The following ADCY10 variants were observed in gnomAD, a reference collection of about 807,000 sequenced individuals.
ADCY10 encodes the protein adenylate cyclase 10, also known as adenylate cyclase type 10.
ADCY10 carries 156 observed loss-of-function variants against 183.3 expected under a neutral mutation model. The observed-to-expected ratio is 0.85, with a 90% CI of 0.75 to 0.97. The LOEUF (loss-of-function observed/expected upper bound fraction) is 0.97, where lower values mean the gene tolerates loss of function less well. Ranked by LOEUF, ADCY10 falls within the 50% of genes least tolerant of loss-of-function variation. The pLI is 0.00. For synonymous variants in ADCY10, 645 were observed against 670.0 expected, an observed-to-expected ratio of 0.96 and a Z score of 0.58; for missense variants, 1,745 against 1,934.3, an observed-to-expected ratio of 0.90 and a Z score of 1.84.
intron 23 of ADCY10, among the ~76,000 whole-genome samples, 176 bp downstream of exon 23, chr1:167,836,133 T>C (rs1463502148): frequency 6.6e-6 from 1 of 152,154 alleles, no homozygotes; most frequent in African/African-American, 2.4e-5. Flanking sequence ...GTATTCCAAT[T>C]CTCTTTTCTC....
At chr1:167,818,588 A>G (rs1244886509) in intron 30 of ADCY10, among the ~76,000 whole-genome samples, 2 of 152,120 alleles carry the variant, frequency 1.3e-5, no homozygotes, top group Non-Finnish European at 2.9e-5. Flanking sequence ...CCCAGTCTGG[A>G]GTGCAATGGC....
Position 167,836,372 on chromosome 1 carries a change from G to A in ADCY10, c.3246C>T (p.Asp1082=). The A allele has an allele frequency of 6.2e-7, 1 of 1,614,094 alleles. No individual in the cohort carries two copies. The highest frequency in any genetic ancestry group is 1.7e-5 in the Admixed American group (1 of 60,020). ...TTTCTAAGAAGTAATATAAGGCTTT[G>A]TCATTTTCTCCCAAAGCCAGAAAAT... The part of the protein sequence containing the change: ...AHHFLALGEN[D]KALYYFLEIA... Residue 1082 remains aspartate (D), a synonymous_variant, in exon 23 of 33, where the codon GAC becomes GAT. Transcript: ENST00000367851.
At position 167,836,548 on chromosome 1, in the gene ADCY10, T is replaced by C; in HGVS notation, c.3078-8A>G. The C allele has an allele frequency of 1.3e-6, 2 of 1,527,428 alleles. No homozygotes were observed. The highest frequency in any genetic ancestry group is 1.8e-6 in the Non-Finnish European group (2 of 1,101,522). The allele number at this position is 1,527,428 out of a possible 1,614,324, so 94.6% of individuals were successfully genotyped here. ...TCTCTTATTTCTTCAGGACTGTCCA[T>C]ATGCAGAAATAAATAATAGTAACTT... On this transcript the variant is annotated splice_region_variant and splice_polypyrimidine_tract_variant and intron_variant, in intron 22 of 32. Transcript: ENST00000367851.
At chr1:167,869,724 G>C (rs994716197) in intron 14 of ADCY10, among the ~76,000 whole-genome samples, 5 of 152,146 alleles carry the variant, frequency 3.3e-5, no homozygotes, top group African/African-American at 1.2e-4. Flanking sequence ...TTACTCAATC[G>C]ATCACGACCC....
At chr1:167,855,952 A>G (rs887514095) in intron 17 of ADCY10, among the ~76,000 whole-genome samples, 1 of 152,208 alleles carries the variant, frequency 6.6e-6, no homozygotes, top group Non-Finnish European at 1.5e-5. Flanking sequence ...GCAGTGAGCC[A>G]TGATGGCACC....
At chr1:167,846,391 A>G (rs1665031513) in intron 19 of ADCY10, 128 bp from the exon 20 acceptor site, 1 of 1,118,004 alleles carries the variant, frequency 8.9e-7, no homozygotes, top group East Asian at 2.5e-5. Flanking sequence ...CAGCCAAGCT[A>G]AGTCAAAAGA....
chr1:167,833,130 G>A lies in ADCY10; in HGVS notation c.3450C>T (p.Ala1150=). 1 of 1,614,122 alleles carries A rather than the reference G, an allele frequency of 6.2e-7. No homozygotes were observed. Among genetic ancestry groups the A allele is most frequent in the Non-Finnish European group, 8.5e-7 (1 of 1,180,028 alleles). Residue 1150 remains alanine, a synonymous_variant, in exon 25 of 33, where the codon GCC becomes GCT. Coordinates refer to ENST00000367851, the MANE Select transcript of ADCY10 (RefSeq NM_018417.6). ...TCAGTGCCTTCCTCAGCATTTTCTT[G>A]GCAAGCACTATCTGGCCCATATTGA... ...VCFNMGQIVL[A]KKMLRKALKL...
At chr1:167,882,737 C>T (rs964654079) in intron 9 of ADCY10, among the ~76,000 whole-genome samples, 6 of 146,832 alleles carry the variant, frequency 4.1e-5, no homozygotes, top group African/African-American at 1.5e-4. Context: ...GGTAGCCCAG[C>T]ATAGTGAGCT....
At position 167,825,652 on chromosome 1, in the gene ADCY10, A is replaced by T. The variant is rs138277599; in HGVS notation, c.3751-797T>A. Among the ~76,000 whole-genome samples, 3 of 152,248 alleles carry T rather than the reference A, an allele frequency of 2.0e-5. No homozygotes were observed. The East Asian group carries it at 5.8e-4, about 29-fold the overall frequency. Reference sequence around the variant, plus strand: ...TTAAAAAAAAGTAGCCAGCATGATGACACAAGCCTGTAATCCTAGCTACTC... The same window carrying T: ...TTAAAAAAAAGTAGCCAGCATGATGTCACAAGCCTGTAATCCTAGCTACTC... On this transcript the variant is annotated intron_variant, in intron 26 of 32. Coordinates refer to ENST00000367851, the MANE Select transcript of ADCY10 (RefSeq NM_018417.6).
intron 23 of ADCY10, chr1:167,834,429 A>G (rs888991906): frequency 1.1e-5 from 4 of 360,394 alleles, no homozygotes. Flanking sequence ...CCCTATTCCC[A>G]ACAACACATC....
rs146837403 is a variant in ADCY10, at chr1:167,898,282, A to G, written c.642+1141T>C. On this transcript the variant is annotated intron_variant, in intron 6 of 32. Transcript: ENST00000367851. The stretch of plus-strand genomic sequence containing the variant: ...TAAGTCTAACATGAATTCAAAGTTA[A>G]AACAATTTTTAAAGGTATCAAGAAT... Among the ~76,000 whole-genome samples, 42 of 152,222 alleles carry G rather than the reference A, an allele frequency of 2.8e-4. No individual in the cohort carries two copies. The South Asian group carries it at 7.1e-3, about 26-fold the overall frequency.
At chr1:167,820,341 C>CGGCCAGAGGGGCGG (rs1662821100) in intron 30 of ADCY10, 1 of 847,032 alleles carries the variant, frequency 1.2e-6, no homozygotes, top group Non-Finnish European at 1.7e-6. Context: ...GGGGCGGGGC[C>CGGCCAGAGGGGCGG]GGCCAGAGGG....
intron 8 of ADCY10, among the ~76,000 whole-genome samples, chr1:167,893,050 T>C (rs978265419): frequency 6.6e-6 from 1 of 152,208 alleles, no homozygotes; most frequent in Non-Finnish European, 1.5e-5. Context: ...GAGATAGTTA[T>C]AATTCACATG....
chr1:167,899,096 C>G (rs1350658143), intron 6 of ADCY10, among the ~76,000 whole-genome samples: 1 of 152,132 alleles, frequency 6.6e-6, no homozygotes, highest in East Asian at 1.9e-4. Context: ...GCCTTTAAAA[C>G]TATTCCCCTC....
chr1:167,868,310 C>T (rs536379003), intron 14 of ADCY10, among the ~76,000 whole-genome samples: 22 of 152,208 alleles, frequency 1.4e-4, no homozygotes, highest in African/African-American at 3.4e-4. Flanking sequence ...GATGAATTCC[C>T]GGCCCAAAAG....
At chr1:167,825,080 A>T (rs1256603703) in intron 26 of ADCY10, among the ~76,000 whole-genome samples, 1 of 152,268 alleles carries the variant, frequency 6.6e-6, no homozygotes, top group African/African-American at 2.4e-5. Flanking sequence ...GTAGTCCTTA[A>T]ATGAAATATA....
intron 1 of ADCY10, among the ~76,000 whole-genome samples, chr1:167,912,374 T>C (rs945398731): frequency 6.6e-6 from 1 of 152,208 alleles, no homozygotes; most frequent in Non-Finnish European, 1.5e-5. Context: ...GGAGGCCTTC[T>C]TTCCCTTGCC....
intron 13 of ADCY10, among the ~76,000 whole-genome samples, chr1:167,873,414 A>T (rs203822): frequency 6.6e-6 from 1 of 151,974 alleles, no homozygotes; most frequent in Non-Finnish European, 1.5e-5. Flanking sequence ...ATTGTGGCCC[A>T]ATATTTCTCC....
chr1:167,832,912 G>C, intron 25 of ADCY10, 75 bp downstream of exon 25: 3 of 1,516,586 alleles, frequency 2.0e-6, no homozygotes, highest in Non-Finnish European at 2.7e-6. Flanking sequence ...GGCTTTGGGG[G>C]CTGACTTGGA....
Sources: gnomAD v4.1 joint callset for allele counts (sites outside exome capture counted in the v4.1 genomes callset) on GRCh38, gnomAD v4.1.1 for gene constraint, MANE v1.5 for transcripts, NCBI Gene and HGNC (gene_info 2026-07-23, HGNC 2026-07-21) for gene names.